Variants in GLRA1 observed in about 807,000 individuals in gnomAD.
GLRA1 encodes glycine receptor subunit alpha-1.
A neutral mutation model predicts 48.3 loss-of-function variants in GLRA1; 37 were observed. The observed-to-expected ratio is 0.77, with a 90% CI of 0.59 to 1.01. GLRA1 has a LOEUF of 1.01. GLRA1 is among the 50% of genes least tolerant of loss of function. GLRA1 has a pLI of 0.00. For synonymous variants in GLRA1, 196 were observed against 210.7 expected, an observed-to-expected ratio of 0.93 and a Z score of 0.60; for missense variants, 427 against 571.0, an observed-to-expected ratio of 0.75 and a Z score of 2.57.
rs146019028 is a variant in GLRA1, at chr5:151,846,432, T to C, written c.912+4958A>G. Among the ~76,000 whole-genome samples the C allele has an allele frequency of 2.2e-4, 34 of 152,328 alleles. No homozygotes were observed. In the East Asian group the frequency reaches 4.0e-3, roughly 18 times the overall value. ...CAGAACATTATGTCTGCTGCTACAA[T>C]TGCACACAGCAGAATGTGTTGTCAG... On this transcript the variant is annotated intron_variant, in intron 7 of 8. Coordinates refer to ENST00000274576, the MANE Select transcript of GLRA1 (RefSeq NM_000171.4).
intron 6 of GLRA1, among the ~76,000 whole-genome samples, chr5:151,852,218 G>A (rs1246976774): frequency 6.6e-6 from 1 of 152,044 alleles, no homozygotes; most frequent in Non-Finnish European, 1.5e-5. Context: ...CCTTGAGCAT[G>A]CCCTGAACTT....
At chr5:151,913,407 A>T (rs10057786) in intron 1 of GLRA1, among the ~76,000 whole-genome samples, 1,787 of 152,262 alleles carry the variant, frequency 0.012, 36 homozygotes, top group African/African-American at 0.041. Flanking sequence ...CAGAGGTGAG[A>T]CTTATGGATG....
intron 1 of GLRA1, among the ~76,000 whole-genome samples, chr5:151,900,957 G>A (rs1026957655): frequency 6.6e-6 from 1 of 152,172 alleles, no homozygotes; most frequent in Admixed American, 6.5e-5. Context: ...AAATTCCAGA[G>A]GAAGCTTAAT....
At chr5:151,911,516 A>T (rs1022090085) in intron 1 of GLRA1, among the ~76,000 whole-genome samples, 1 of 152,176 alleles carries the variant, frequency 6.6e-6, no homozygotes, top group Admixed American at 6.5e-5. Context: ...TAGCAATTTT[A>T]AAAATAATCT....
chr5:151,886,680 T>A, intron 3 of GLRA1, 41 bp downstream of exon 3: 1 of 1,360,608 alleles, frequency 7.3e-7, no homozygotes, highest in Non-Finnish European at 1.1e-6. Context: ...TGGAGAGATA[T>A]CTCCAGCAGG....
intron 3 of GLRA1, among the ~76,000 whole-genome samples, chr5:151,876,095 T>G (rs1283995579): frequency 1.3e-5 from 2 of 152,222 alleles, no homozygotes; most frequent in African/African-American, 4.8e-5. Context: ...TTTGAAAGGT[T>G]TATCTTCATG....
intron 7 of GLRA1, among the ~76,000 whole-genome samples, chr5:151,829,734 A>G (rs1763377299): frequency 6.6e-6 from 1 of 152,230 alleles, no homozygotes; most frequent in Non-Finnish European, 1.5e-5. Context: ...ATTACCTCAA[A>G]AAGAAATGTT....
At chr5:151,877,034 G>A (rs772434374) in intron 3 of GLRA1, among the ~76,000 whole-genome samples, 5 of 152,152 alleles carry the variant, frequency 3.3e-5, no homozygotes, top group African/African-American at 7.2e-5. Context: ...CCTCACTAGA[G>A]ACCAACTCTG....
At chr5:151,881,971 A>T (rs913282935) in intron 3 of GLRA1, among the ~76,000 whole-genome samples, 1 of 152,162 alleles carries the variant, frequency 6.6e-6, no homozygotes, top group Non-Finnish European at 1.5e-5. Context: ...ATGGTGCACA[A>T]CTAGCTGTTT....
At chr5:151,834,885 G>T (rs554534251) in intron 7 of GLRA1, among the ~76,000 whole-genome samples, 2 of 151,864 alleles carry the variant, frequency 1.3e-5, no homozygotes, top group Admixed American at 1.3e-4. Context: ...AAAATTAGCC[G>T]GGCGTGGTGG....
intron 3 of GLRA1, among the ~76,000 whole-genome samples, chr5:151,874,007 G>A (rs1037805254): frequency 1.3e-5 from 2 of 152,124 alleles, no homozygotes; most frequent in Non-Finnish European, 2.9e-5. Context: ...TGCACTTTGA[G>A]GAGAGCACCC....
intron 7 of GLRA1, among the ~76,000 whole-genome samples, chr5:151,835,045 A>G (rs1763536237): frequency 6.6e-6 from 1 of 150,846 alleles, no homozygotes; most frequent in African/African-American, 2.4e-5. Context: ...AAAAAAAAAA[A>G]AAAAAGAGAA....
At chr5:151,825,496 A>G (rs1472485790) in intron 8 of GLRA1, among the ~76,000 whole-genome samples, 1 of 152,080 alleles carries the variant, frequency 6.6e-6, no homozygotes, top group Non-Finnish European at 1.5e-5. Context: ...TGTCTGGGAG[A>G]AAAATTCCCT....
rs556583757 is a variant in GLRA1 at position 151,921,049 on chromosome 5, TAGC to T, written c.56+3442_56+3444del. On this transcript the variant is annotated intron_variant, in intron 1 of 8. Coordinates refer to ENST00000274576, the MANE Select transcript of GLRA1 (RefSeq NM_000171.4). Reference sequence around the variant, plus strand: ...CCTTCAAGGTTTTGATGACCTTTGTTAGCAGTTGAGTGGCATATTCAGTACAAA... The same window carrying T: ...CCTTCAAGGTTTTGATGACCTTTGTTAGTTGAGTGGCATATTCAGTACAAA... 4.6e-5 allele frequency among the ~76,000 whole-genome samples: 7 copies of T among 152,342 alleles called. No homozygotes were observed. In the East Asian group the frequency reaches 1.3e-3, roughly 29 times the overall value.
chr5:151,880,577 A>C (rs1753735737), intron 3 of GLRA1, among the ~76,000 whole-genome samples: 1 of 146,932 alleles, frequency 6.8e-6, no homozygotes, highest in Non-Finnish European at 1.5e-5. Context: ...TCATGCCCAA[A>C]GGATGTCAAC....
chr5:151,852,588 G>A (rs1451791161), intron 6 of GLRA1, among the ~76,000 whole-genome samples: 1 of 152,250 alleles, frequency 6.6e-6, no homozygotes, highest in Non-Finnish European at 1.5e-5. Flanking sequence ...ATTTCCTGGA[G>A]TTCCCTGGAC....
At chr5:151,900,891 GC>G (rs1754350552) in intron 1 of GLRA1, among the ~76,000 whole-genome samples, 1 of 152,134 alleles carries the variant, frequency 6.6e-6, no homozygotes, top group Admixed American at 6.6e-5. Context: ...GAAGTACAGA[GC>G]CTGGCACATA....
rs1754916341 is a variant in GLRA1, at chr5:151,922,937, C to T, written c.56+1557G>A. ...TTTGCATACAAATGTTACAAAGTAC[C>T]CAACCTCCATACATTTGTAGTTCTA... On this transcript the variant is annotated intron_variant, in intron 1 of 8. Coordinates refer to ENST00000274576, the MANE Select transcript of GLRA1 (RefSeq NM_000171.4). Among the ~76,000 whole-genome samples, 3 of 152,294 alleles carry T rather than the reference C, an allele frequency of 2.0e-5. No homozygotes were observed. In the South Asian group the frequency reaches 6.2e-4, roughly 32 times the overall value.
chr5:151,901,488 A>G (rs895217396), intron 1 of GLRA1, among the ~76,000 whole-genome samples: 5 of 152,230 alleles, frequency 3.3e-5, no homozygotes, highest in Non-Finnish European at 5.9e-5. Context: ...AGAAGGCCCT[A>G]CATAATCAGC....
Sources: allele counts gnomAD v4.1 joint callset (sites outside exome capture counted in the v4.1 genomes callset), GRCh38; gene constraint gnomAD v4.1.1; transcripts MANE v1.5; gene names NCBI Gene and HGNC (gene_info 2026-07-23, HGNC 2026-07-21).